Variants in IL1RAPL2 observed in about 807,000 individuals in gnomAD.
IL1RAPL2 encodes the protein interleukin 1 receptor accessory protein like 2.
Under a neutral mutation model 44.1 loss-of-function variants are expected in IL1RAPL2, and 3 were observed. That is an observed-to-expected ratio of 0.07 (90% CI 0.03 to 0.18). The LOEUF (loss-of-function observed/expected upper bound fraction) is 0.18. Ranked by LOEUF, IL1RAPL2 falls within the 10% of genes least tolerant of loss-of-function variation. The pLI, the probability that IL1RAPL2 is intolerant of heterozygous loss-of-function variation, is 1.00. For missense variants in IL1RAPL2, 391 were observed against 496.4 expected, an observed-to-expected ratio of 0.79 and a Z score of 2.02; for synonymous variants, 181 against 178.8, an observed-to-expected ratio of 1.01 and a Z score of -0.10.
intron 6 of IL1RAPL2, among the ~76,000 whole-genome samples, chrX:105,663,589 G>A (rs1395022374): frequency 9.0e-6 from 1 of 111,590 alleles, no homozygotes; most frequent in Non-Finnish European, 1.9e-5. Context: ...CCTCTCTCCC[G>A]TAAATTGAGT....
intron 2 of IL1RAPL2, among the ~76,000 whole-genome samples, chrX:104,864,987 A>C (rs1235114891): frequency 1.8e-5 from 2 of 111,340 alleles, no homozygotes; most frequent in African/African-American, 6.6e-5. Context: ...ATGGATGCCT[A>C]GACTCATCCT....
chrX:105,380,743 T>G (rs1350480506), intron 5 of IL1RAPL2, among the ~76,000 whole-genome samples: 1 of 111,730 alleles, frequency 9.0e-6, no homozygotes. Flanking sequence ...AAAATGAAGT[T>G]AGGGACTTAC....
chrX:105,259,766 G>A (rs1363227936), intron 4 of IL1RAPL2, among the ~76,000 whole-genome samples: 1 of 111,545 alleles, frequency 9.0e-6, no homozygotes, highest in Non-Finnish European at 1.9e-5. Flanking sequence ...CACTACAGAG[G>A]TAGTGGCACA....
chrX:105,352,193 G>GT (rs2035161209), intron 5 of IL1RAPL2, among the ~76,000 whole-genome samples: 1 of 111,868 alleles, frequency 8.9e-6, no homozygotes, highest in Admixed American at 9.5e-5. Flanking sequence ...GCCTTACAAA[G>GT]TACTGGGATT....
intron 6 of IL1RAPL2, among the ~76,000 whole-genome samples, chrX:105,670,911 T>C (rs1219478561): frequency 9.3e-6 from 1 of 107,116 alleles, no homozygotes; most frequent in African/African-American, 3.4e-5. Flanking sequence ...TATATATATA[T>C]ACCATACATA....
At chrX:104,623,642 A>G (rs1929443406) in intron 1 of IL1RAPL2, among the ~76,000 whole-genome samples, 1 of 111,028 alleles carries the variant, frequency 9.0e-6, no homozygotes. Context: ...CCCAGAGTAG[A>G]CTTGACATAT....
chrX:105,465,117 T>A (rs1222003270), intron 5 of IL1RAPL2, among the ~76,000 whole-genome samples: 1 of 112,256 alleles, frequency 8.9e-6, no homozygotes, highest in Non-Finnish European at 1.9e-5. Context: ...AAAACCTGTC[T>A]AGCTAGAAAC....
At chrX:105,383,334 A>G (rs1439666837) in intron 5 of IL1RAPL2, among the ~76,000 whole-genome samples, 1 of 110,954 alleles carries the variant, frequency 9.0e-6, no homozygotes, top group Admixed American at 9.6e-5. Context: ...TAACCTCCAT[A>G]TATGAGTGAG....
At chrX:105,414,355 T>C (rs941798899) in intron 5 of IL1RAPL2, among the ~76,000 whole-genome samples, 6 of 111,460 alleles carry the variant, frequency 5.4e-5, no homozygotes, top group Non-Finnish European at 1.1e-4. Flanking sequence ...CTCACACTCC[T>C]GACCTTGTGA....
At chrX:105,299,825 G>A (rs760982076) in intron 5 of IL1RAPL2, among the ~76,000 whole-genome samples, 1 of 111,717 alleles carries the variant, frequency 9.0e-6, no homozygotes, top group East Asian at 2.8e-4. Flanking sequence ...TTTGGAACGC[G>A]GCATGCAATT....
intron 5 of IL1RAPL2, among the ~76,000 whole-genome samples, chrX:105,416,232 C>T (rs1020863429): frequency 8.9e-6 from 1 of 111,922 alleles, no homozygotes; most frequent in African/African-American, 3.2e-5. Flanking sequence ...AATCTTATTA[C>T]GTGATTCCTG....
At chrX:105,557,880 A>AT (rs1333096928) in intron 6 of IL1RAPL2, among the ~76,000 whole-genome samples, 1 of 111,833 alleles carries the variant, frequency 8.9e-6, no homozygotes. Flanking sequence ...CTTGCTAAAA[A>AT]TCTGCACTCC....
intron 2 of IL1RAPL2, among the ~76,000 whole-genome samples, chrX:104,818,369 A>C (rs1342172002): frequency 9.6e-6 from 1 of 103,782 alleles, no homozygotes; most frequent in Non-Finnish European, 1.9e-5. Context: ...AAAAAAGGTC[A>C]GTTTTTCTGT....
chrX:105,624,468 A>G (rs910517937), intron 6 of IL1RAPL2, among the ~76,000 whole-genome samples: 2 of 111,490 alleles, frequency 1.8e-5, no homozygotes, highest in Non-Finnish European at 3.8e-5. Context: ...CCTGTTATCT[A>G]CATCTACAAC....
intron 2 of IL1RAPL2, among the ~76,000 whole-genome samples, chrX:104,983,610 TAA>T (rs1188896132): frequency 2.8e-5 from 2 of 70,939 alleles, no homozygotes; most frequent in African/African-American, 9.9e-5. Flanking sequence ...GCATAATATA[TAA>T]TATTATATTA....
rs374786998 is a variant in IL1RAPL2, at chrX:105,042,971, C to T, written c.83-152504C>T. On this transcript the variant is annotated intron_variant, in intron 2 of 10. Coordinates refer to ENST00000372582, the MANE Select transcript of IL1RAPL2 (RefSeq NM_017416.2). ...GAAATCATCATTCTCAGTAAACTAT[C>T]GCAAGAACAAAAAAACAAACACCGC... is the stretch of plus-strand genomic sequence containing the variant. Among the ~76,000 whole-genome samples, 191 of 104,308 alleles carry T rather than the reference C, an allele frequency of 1.8e-3. 6 individuals are homozygous for T. In the East Asian group the frequency reaches 0.049, roughly 27 times the overall value. The allele number at this position is 104,308 out of a possible 115,157, so 90.6% of individuals were successfully genotyped here. A position where few individuals can be genotyped will look rare whatever the true frequency, so the allele number is the denominator to read the frequency against.
intron 2 of IL1RAPL2, among the ~76,000 whole-genome samples, chrX:105,014,616 C>T (rs189868412): frequency 8.9e-6 from 1 of 112,190 alleles, no homozygotes; most frequent in Admixed American, 9.5e-5. Context: ...TTTCCAGCTT[C>T]ATCCATATGC....
chrX:104,904,660 C>A (rs1200590806), intron 2 of IL1RAPL2, among the ~76,000 whole-genome samples: 2 of 110,012 alleles, frequency 1.8e-5, no homozygotes, highest in Non-Finnish European at 3.8e-5. Flanking sequence ...GCATAGTATT[C>A]CATGGTGTAT....
intron 2 of IL1RAPL2, among the ~76,000 whole-genome samples, chrX:105,191,089 C>T (rs782788212): frequency 8.9e-6 from 1 of 112,667 alleles, no homozygotes; most frequent in African/African-American, 3.2e-5. Context: ...GTCAAACTCC[C>T]TAAACATACA....
Sources: gnomAD v4.1 joint callset for allele counts (sites outside exome capture counted in the v4.1 genomes callset) on GRCh38, gnomAD v4.1.1 for gene constraint, MANE v1.5 for transcripts, NCBI Gene and HGNC (gene_info 2026-07-23, HGNC 2026-07-21) for gene names.